The following COL13A1 variants were observed in gnomAD, a reference collection of about 807,000 sequenced individuals.
COL13A1 encodes the protein collagen alpha-1(XIII) chain.
A neutral mutation model predicts 130.9 loss-of-function variants in COL13A1; 89 were observed. The observed-to-expected ratio is 0.68, with a 90% CI of 0.57 to 0.81. The LOEUF is 0.81. COL13A1 is among the 30% of genes least tolerant of loss of function. The probability of loss-of-function intolerance (pLI) is 0.00; values close to 1 mark genes in which losing one functional copy is unlikely to be tolerated. For synonymous variants in COL13A1, 402 were observed against 341.6 expected (o/e 1.18, Z -1.95); for missense variants, 879 against 934.6 (o/e 0.94, Z 0.78).
At chr10:69,815,149 G>T (rs1402648135) in intron 1 of COL13A1, among the ~76,000 whole-genome samples, 2 of 152,158 alleles carry the variant, frequency 1.3e-5, no homozygotes, top group Non-Finnish European at 2.9e-5. Context: ...GGTCACAGCT[G>T]CAGGTCTCAC....
intron 21 of COL13A1, among the ~76,000 whole-genome samples, chr10:69,921,468 G>A (rs2064661363): frequency 6.6e-6 from 1 of 152,162 alleles, no homozygotes; most frequent in South Asian, 2.1e-4. Context: ...GCCCTTAGTT[G>A]CTAAGCATTA....
At chr10:69,883,898 G>T (rs919547167) in intron 7 of COL13A1, among the ~76,000 whole-genome samples, 6 of 152,306 alleles carry the variant, frequency 3.9e-5, no homozygotes, top group African/African-American at 1.4e-4. Flanking sequence ...AACAACCAAG[G>T]CCTGGACTGG....
chr10:69,958,947 C>A lies in COL13A1; in HGVS notation c.*246C>A. 1 of 533,486 alleles carries A rather than the reference C, an allele frequency of 1.9e-6. No homozygotes were observed. The highest frequency in any genetic ancestry group is 3.2e-5 in the East Asian group (1 of 31,102). The allele number at this position is 533,486 out of a possible 1,614,324, so 33.0% of individuals were successfully genotyped here. A position where few individuals can be genotyped will look rare whatever the true frequency, so the allele number is the denominator to read the frequency against. ...TCGTAATGTCTGCATGATATTTGTG[C>A]ACATTTATTAAGTATCGAAGCTTAA... is the stretch of plus-strand genomic sequence containing the variant. On this transcript the variant is annotated 3_prime_UTR_variant, in exon 41 of 41. Coordinates refer to ENST00000645393, the MANE Select transcript of COL13A1 (RefSeq NM_001368882.1).
chr10:69,829,148 A>G (rs1251146102), intron 2 of COL13A1: 6 of 808,210 alleles, frequency 7.4e-6, no homozygotes, highest in Non-Finnish European at 9.0e-6. Context: ...GAACACCACC[A>G]TTTCCCTCAC....
chr10:69,825,296 C>T (rs1847205261), intron 2 of COL13A1, among the ~76,000 whole-genome samples: 2 of 152,208 alleles, frequency 1.3e-5, no homozygotes, highest in African/African-American at 4.8e-5. Flanking sequence ...TTCCGATTAT[C>T]TCCTGAGGGT....
intron 4 of COL13A1, among the ~76,000 whole-genome samples, chr10:69,873,241 T>C (rs1033975660): frequency 6.6e-6 from 1 of 152,230 alleles, no homozygotes; most frequent in Non-Finnish European, 1.5e-5. Context: ...CTTTTAGACA[T>C]GGATTATACT....
chr10:69,949,314 T>C (rs10999044), intron 38 of COL13A1, among the ~76,000 whole-genome samples: 27,022 of 152,032 alleles, frequency 0.18, 2,836 homozygotes, highest in African/African-American at 0.3. Context: ...TCCTGAGTAG[T>C]TGGAACTACA....
intron 7 of COL13A1, 60 bp from the exon 8 acceptor site, chr10:69,887,396 G>C (rs185751752): frequency 6.4e-7 from 1 of 1,558,956 alleles, no homozygotes; most frequent in African/African-American, 1.4e-5. Context: ...TGGAGGCCTA[G>C]GGATTGGCTC....
At chr10:69,934,153 A>G (rs1268547759) in intron 31 of COL13A1, among the ~76,000 whole-genome samples, 1 of 152,206 alleles carries the variant, frequency 6.6e-6, no homozygotes, top group Non-Finnish European at 1.5e-5. Flanking sequence ...GAAAATTTTA[A>G]AAATTCTTTT....
intron 33 of COL13A1, 112 bp from the exon 34 acceptor site, chr10:69,937,523 G>A: frequency 1.6e-6 from 1 of 632,922 alleles, no homozygotes; most frequent in Non-Finnish European, 2.9e-6. Flanking sequence ...CTGCCACCCT[G>A]ACCCCTCCTT....
chr10:69,864,310 T>G (rs1859150472), intron 2 of COL13A1, among the ~76,000 whole-genome samples: 1 of 99,982 alleles, frequency 1.0e-5, no homozygotes, highest in African/African-American at 3.3e-5. Context: ...GAGCACTCAG[T>G]AAATGTCGAT....
At chr10:69,936,723 G>A (rs559490171) in intron 32 of COL13A1, 33 bp from the exon 33 acceptor site, 1 of 1,613,604 alleles carries the variant, frequency 6.2e-7, no homozygotes, top group Non-Finnish European at 8.5e-7. Flanking sequence ...TAGAGATGCA[G>A]TTCTAATGCA....
At chr10:69,905,728 A>C (rs996543042) in intron 16 of COL13A1, 59 bp from the exon 17 acceptor site, 2 of 1,586,088 alleles carry the variant, frequency 1.3e-6, no homozygotes, top group Non-Finnish European at 8.6e-7. Context: ...GGGGAACAGC[A>C]CAAGTCAAAG....
chr10:69,935,565 G>C (rs1012998537), intron 32 of COL13A1, among the ~76,000 whole-genome samples, 174 bp downstream of exon 32: 66 of 152,200 alleles, frequency 4.3e-4, no homozygotes, highest in African/African-American at 1.6e-3. Flanking sequence ...CACCATACTG[G>C]GGACACCAAG....
intron 14 of COL13A1, among the ~76,000 whole-genome samples, 194 bp from the exon 15 acceptor site, chr10:69,902,554 C>T (rs2135126203): frequency 1.3e-5 from 2 of 152,342 alleles, no homozygotes; most frequent in South Asian, 4.1e-4. Context: ...GCGTTCTTCT[C>T]ACTGCCACCA....
chr10:69,865,760 G>A (rs192038229), intron 2 of COL13A1, among the ~76,000 whole-genome samples: 18 of 152,282 alleles, frequency 1.2e-4, no homozygotes, highest in African/African-American at 4.1e-4. Context: ...GGGGGCTGGA[G>A]GCTGACCATA....
In COL13A1 at chr10:69,932,834, G is replaced by A. The variant is rs575978387; in HGVS notation, c.1728+230G>A. Among the ~76,000 whole-genome samples the A allele has an allele frequency of 5.3e-5, 8 of 152,210 alleles. No homozygotes were observed. The East Asian group carries it at 1.5e-3, about 29-fold the overall frequency. On this transcript the variant is annotated intron_variant, in intron 31 of 40. Transcript: ENST00000645393. ...TTCCATCCTGGTGCTAGAGTCTGGA[G>A]ATACGAAAATAAACAGAACTTGCCG... is the stretch of plus-strand genomic sequence containing the variant.
Position 69,952,903 on chromosome 10 carries a change from T to C in COL13A1, c.2080T>C (p.Ser694Pro). ...GNRGERGKKG[S>P]RGPKGDKGDQ... is the part of the protein sequence containing the mutation. ...ACAGGGGGAGAGGGGGAAGAAAGGC[T>C]CTAGAGGGCCTAAAGGGGATAAGGG... The change falls in exon 39 of 41, where the codon TCT becomes CCT. Residue 694 changes from serine (S) to proline (P), a missense_variant. Physicochemically the swap from Ser to Pro is moderately conservative, Grantham distance 74. Transcript: ENST00000645393. 2 of 1,555,668 alleles carry C rather than the reference T, an allele frequency of 1.3e-6. No individual in the cohort carries two copies. The highest frequency in any genetic ancestry group is 1.7e-6 in the Non-Finnish European group (2 of 1,159,574).
intron 17 of COL13A1, among the ~76,000 whole-genome samples, chr10:69,910,606 C>T (rs1427330888): frequency 2.0e-5 from 3 of 152,246 alleles, no homozygotes; most frequent in East Asian, 3.9e-4. Context: ...CCAGCAGCCC[C>T]TGTGCTGCCC....
Sources: gnomAD v4.1 joint callset for allele counts (sites outside exome capture counted in the v4.1 genomes callset) on GRCh38, gnomAD v4.1.1 for gene constraint, MANE v1.5 for transcripts, NCBI Gene and HGNC (gene_info 2026-07-23, HGNC 2026-07-21) for gene names.